Variants in LHCGR observed in about 807,000 individuals in gnomAD.
The protein encoded by LHCGR is lutropin-choriogonadotropic hormone receptor.
Under a neutral mutation model 60.7 loss-of-function variants are expected in LHCGR, and 55 were observed. The observed-to-expected ratio is 0.91, with a 90% confidence interval of 0.73 to 1.13. The LOEUF (loss-of-function observed/expected upper bound fraction) is 1.13. Ranked by LOEUF, LHCGR falls within the 50% of genes most tolerant of loss-of-function variation. The pLI is 0.00. For missense variants in LHCGR, 862 were observed against 836.0 expected, an observed-to-expected ratio of 1.03 and a Z score of -0.38; for synonymous variants, 337 against 316.5, an observed-to-expected ratio of 1.06 and a Z score of -0.69.
Position 48,708,913 on chromosome 2 carries a change from T to A in LHCGR, c.680+35A>T. 2.6e-6 allele frequency: 4 copies of A among 1,563,592 alleles called. No homozygotes were observed. The South Asian group carries it at 3.3e-5, about 13-fold the overall frequency. On this transcript the variant is annotated intron_variant, in intron 8 of 10. Coordinates refer to ENST00000294954, the MANE Select transcript of LHCGR (RefSeq NM_000233.4). ...CCTAAGCAGTCCTGTTGGGGTACACTGGGCAGGGAGGGGAGGCAGCACCAT... is the reference window on the plus strand; with the variant it reads ...CCTAAGCAGTCCTGTTGGGGTACACAGGGCAGGGAGGGGAGGCAGCACCAT...
Position 48,755,617 on chromosome 2 carries a change from G to T in LHCGR, c.55C>A (p.Pro19Thr). 2 of 1,476,976 alleles carry T rather than the reference G, an allele frequency of 1.4e-6. No homozygotes were observed. Among genetic ancestry groups the T allele is most frequent in the Non-Finnish European group, 1.8e-6 (2 of 1,114,164 alleles). 91.5% of individuals were successfully genotyped at this position (1,476,976 alleles called of 1,614,324 possible). ...TCGCGCAGCGCTCGTGGCAGCGGCG[G>T]CTGCAGCAGCAGCAGCAGCTTCAGC... ...QLLKLLLLLQ[P>T]PLPRALREAL... The change falls in exon 1 of 11, where the codon CCG (proline) becomes ACG (threonine). Residue 19 changes from proline (P) to threonine (T), a missense_variant. Coordinates refer to ENST00000294954, the MANE Select transcript of LHCGR (RefSeq NM_000233.4).
At chr2:48,694,403 C>T (rs1667016488) in intron 9 of LHCGR, 99 bp from the exon 10 acceptor site, 3 of 741,912 alleles carry the variant, frequency 4.0e-6, no homozygotes, top group South Asian at 1.5e-5. Flanking sequence ...AATTCTTTAC[C>T]TATTACACCA....
intron 1 of LHCGR, among the ~76,000 whole-genome samples, chr2:48,746,362 A>G (rs772085406): frequency 3.9e-5 from 6 of 152,196 alleles, no homozygotes; most frequent in Non-Finnish European, 8.8e-5. Flanking sequence ...CTCAATTGGT[A>G]TCTTTCTTTT....
At chr2:48,753,239 T>C (rs2103754981) in intron 1 of LHCGR, among the ~76,000 whole-genome samples, 1 of 152,306 alleles carries the variant, frequency 6.6e-6, no homozygotes, top group East Asian at 1.9e-4. Context: ...ACTGCTGAGC[T>C]AAGACCATAC....
At chr2:48,735,731 C>T (rs765409984) in intron 1 of LHCGR, among the ~76,000 whole-genome samples, 6 of 152,144 alleles carry the variant, frequency 3.9e-5, no homozygotes, top group Non-Finnish European at 7.4e-5. Context: ...TTAGTACTGA[C>T]GCACCAATTT....
At chr2:48,747,263 G>A (rs1277412573) in intron 1 of LHCGR, among the ~76,000 whole-genome samples, 1 of 151,464 alleles carries the variant, frequency 6.6e-6, no homozygotes, top group Admixed American at 6.6e-5. Context: ...TAATTTTTTG[G>A]TATTTTTTAG....
chr2:48,701,080 G>C (rs1667384290), intron 8 of LHCGR, among the ~76,000 whole-genome samples: 1 of 152,042 alleles, frequency 6.6e-6, no homozygotes, highest in African/African-American at 2.4e-5. Flanking sequence ...GGGAAGTAGA[G>C]AGTCAAAAGT....
intron 9 of LHCGR, 58 bp from the exon 10 acceptor site, chr2:48,694,362 AC>A: frequency 1.0e-6 from 1 of 1,002,294 alleles, no homozygotes; most frequent in Non-Finnish European, 1.6e-6. Flanking sequence ...GCTAAACCTG[AC>A]TGTGCGTCTA....
Position 48,737,140 on chromosome 2 carries a change from C to T in LHCGR, c.162-5842G>A, listed in dbSNP as rs76750192. Among the ~76,000 whole-genome samples, 958 of 152,342 alleles carry T rather than the reference C, an allele frequency of 6.3e-3. 4 individuals carry two copies. The highest frequency in any genetic ancestry group is 0.022 in the African/African-American group (929 of 41,564). On this transcript the variant is annotated intron_variant, in intron 1 of 10. Transcript: ENST00000294954. ...CTTGCCAGAGCTTTTACTTTTCCTT[C>T]TGCCCAACACATGGCAGAAGTGAAG...
chr2:48,752,367 G>A (rs1437294488), intron 1 of LHCGR, among the ~76,000 whole-genome samples: 1 of 152,088 alleles, frequency 6.6e-6, no homozygotes, highest in East Asian at 1.9e-4. Context: ...AACATCTATT[G>A]AGGGACTAAT....
intron 8 of LHCGR, among the ~76,000 whole-genome samples, chr2:48,701,801 A>G (rs376354516): frequency 6.6e-6 from 1 of 152,238 alleles, no homozygotes; most frequent in Non-Finnish European, 1.5e-5. Context: ...GTATGGGTTC[A>G]TAAGAGTTAG....
chr2:48,720,296 A>G (rs555660269), intron 6 of LHCGR: 5 of 152,118 alleles, frequency 3.3e-5, no homozygotes, highest in Middle Eastern at 6.8e-3. Flanking sequence ...TTATCCCAAC[A>G]TTGGTTTTCT....
chr2:48,704,092 C>G lies in LHCGR; in HGVS notation c.680+4856G>C, dbSNP rs573876147. 2.6e-5 allele frequency among the ~76,000 whole-genome samples: 4 copies of G among 152,310 alleles called. No homozygotes were observed. In the East Asian group the frequency reaches 7.7e-4, roughly 29 times the overall value. ...TACCTAGTTTATTGAGTGTTTTTAG[C>G]ATGAAGCACTGTTGAATTTTGTCGA... is the stretch of plus-strand genomic sequence containing the variant. On this transcript the variant is annotated intron_variant, in intron 8 of 10. Transcript: ENST00000294954.
chr2:48,725,546 G>T, intron 4 of LHCGR, 130 bp downstream of exon 4: 1 of 726,336 alleles, frequency 1.4e-6, no homozygotes, highest in Non-Finnish European at 2.4e-6. Context: ...AAATCAGAAG[G>T]CTGAAGAGGA....
chr2:48,714,191 C>T (rs988571684), intron 6 of LHCGR, 137 bp from the exon 7 acceptor site: 5 of 698,480 alleles, frequency 7.2e-6, no homozygotes, highest in Non-Finnish European at 1.3e-5. Context: ...TCATCACCAC[C>T]ACCATCAATT....
chr2:48,735,669 A>C (rs1669178988), intron 1 of LHCGR, among the ~76,000 whole-genome samples: 1 of 152,138 alleles, frequency 6.6e-6, no homozygotes, highest in Non-Finnish European at 1.5e-5. Flanking sequence ...TACCCAGTGG[A>C]GTTGGGTTAC....
chr2:48,723,587 A>C (rs771143362), intron 5 of LHCGR, 35 bp downstream of exon 5: 5 of 1,604,674 alleles, frequency 3.1e-6, no homozygotes, highest in Non-Finnish European at 4.3e-6. Flanking sequence ...TGCAAATAGG[A>C]AACTGTTATG....
At chr2:48,725,064 A>G (rs576329967) in intron 4 of LHCGR, among the ~76,000 whole-genome samples, 57 of 152,332 alleles carry the variant, frequency 3.7e-4, no homozygotes, top group Admixed American at 3.0e-3. Context: ...ATAAATTCAT[A>G]GTTTTCAGGA....
At chr2:48,743,087 A>C (rs576006651) in intron 1 of LHCGR, among the ~76,000 whole-genome samples, 1 of 152,246 alleles carries the variant, frequency 6.6e-6, no homozygotes, top group Non-Finnish European at 1.5e-5. Flanking sequence ...AAACTAGAAA[A>C]TCTAGAAGAA....
Sources: gnomAD v4.1 joint callset for allele counts (sites outside exome capture counted in the v4.1 genomes callset) on GRCh38, gnomAD v4.1.1 for gene constraint, MANE v1.5 for transcripts, NCBI Gene and HGNC (gene_info 2026-07-23, HGNC 2026-07-21) for gene names.